The following NCAM1 variants were observed in gnomAD, a reference collection of about 807,000 sequenced individuals.
NCAM1 encodes antigen recognized by monoclonal antibody 5.1H11.
In NCAM1, 14 loss-of-function variants were observed where a neutral mutation model predicts 109.8. The ratio of observed to expected loss-of-function variants is 0.13; its 90% CI spans 0.08 to 0.20. The LOEUF is 0.20. Ranked by LOEUF, NCAM1 falls within the 10% of genes least tolerant of loss-of-function variation. The pLI is 1.00. For missense variants in NCAM1, 774 were observed against 1,109.9 expected (o/e 0.70, Z 4.30); for synonymous variants, 418 against 442.9 (o/e 0.94, Z 0.70).
chr11:113,018,101 C>T (rs1555075581), intron 1 of NCAM1, among the ~76,000 whole-genome samples: 1 of 152,000 alleles, frequency 6.6e-6, no homozygotes, highest in Non-Finnish European at 1.5e-5. Context: ...TTATGCTGTC[C>T]TGTTGGCCTA....
intron 1 of NCAM1, among the ~76,000 whole-genome samples, chr11:113,009,312 G>GTTTTTTTTTTGT (rs1951973321): frequency 1.3e-5 from 1 of 79,656 alleles, no homozygotes; most frequent in Non-Finnish European, 2.4e-5. Context: ...GTTTTTTCGG[G>GTTTTTTTTTTGT]TTTTTTTTTT....
intron 1 of NCAM1, among the ~76,000 whole-genome samples, chr11:113,127,592 TG>T (rs1273107534): frequency 6.6e-6 from 1 of 152,166 alleles, no homozygotes; most frequent in African/African-American, 2.4e-5. Context: ...GCAAAATTGG[TG>T]ATGGTTAAGT....
At position 113,112,551 on chromosome 11, in the gene NCAM1, CA is replaced by C. The variant is rs555069202; in HGVS notation, c.53-89827del. Among the ~76,000 whole-genome samples the C allele has an allele frequency of 2.6e-5, 4 of 152,226 alleles. 1 individual carries two copies. In the South Asian group the frequency reaches 8.3e-4, roughly 32 times the overall value. ...GCCACCGTGTTTCCCATTCCCATTGCATGCTTGAAGAATTGTGATACTTAAG... is the reference window on the plus strand; with the variant it reads ...GCCACCGTGTTTCCCATTCCCATTGCTGCTTGAAGAATTGTGATACTTAAG... On this transcript the variant is annotated intron_variant, in intron 1 of 19. Transcript: ENST00000316851.
chr11:113,229,007 C>G (rs1297618684), intron 9 of NCAM1, among the ~76,000 whole-genome samples: 6 of 152,164 alleles, frequency 3.9e-5, no homozygotes, highest in African/African-American at 1.4e-4. Context: ...CAATACCATT[C>G]AGGACATAGG....
chr11:113,081,519 C>T (rs968574544), intron 1 of NCAM1, among the ~76,000 whole-genome samples: 6 of 151,928 alleles, frequency 3.9e-5, no homozygotes, highest in Admixed American at 6.6e-5. Flanking sequence ...ATGCCACAAG[C>T]GACCAAATAC....
At chr11:113,174,935 C>T (rs1474118458) in intron 1 of NCAM1, among the ~76,000 whole-genome samples, 2 of 152,096 alleles carry the variant, frequency 1.3e-5, no homozygotes, top group East Asian at 3.9e-4. Context: ...GGGAATAGTC[C>T]TTTATATCTG....
chr11:112,966,312 TA>T (rs1295025432), intron 1 of NCAM1, among the ~76,000 whole-genome samples: 3 of 152,194 alleles, frequency 2.0e-5, no homozygotes, highest in African/African-American at 7.2e-5. Context: ...GAATTCTAAG[TA>T]AAATTCGAAG....
At chr11:113,176,771 G>A (rs1379470677) in intron 1 of NCAM1, among the ~76,000 whole-genome samples, 1 of 151,988 alleles carries the variant, frequency 6.6e-6, no homozygotes, top group African/African-American at 2.4e-5. Context: ...CTATGGGATG[G>A]AGCCAAATTT....
chr11:112,962,169 A>T lies in NCAM1; in HGVS notation c.52+505A>T, dbSNP rs1296635418. Among the ~76,000 whole-genome samples, 5 of 152,322 alleles carry T rather than the reference A, an allele frequency of 3.3e-5. No homozygotes were observed. In the East Asian group the frequency reaches 9.7e-4, roughly 29 times the overall value. On this transcript the variant is annotated intron_variant, in intron 1 of 19. Transcript: ENST00000316851. This position sits in a 1 kb window ranked among gnomAD's most constrained non-coding sequence, Gnocchi z 5.6. ...TATTCCTGGGTCTAATAAAGTCAGG[A>T]TCGCTGCTTTGCTTCCCCCGCCCCA...
chr11:113,019,793 G>C (rs143179877), intron 1 of NCAM1, among the ~76,000 whole-genome samples: 4 of 151,966 alleles, frequency 2.6e-5, no homozygotes, highest in Admixed American at 6.6e-5. Context: ...CTTTCCCTTC[G>C]CTTCCCTCCC....
intron 9 of NCAM1, among the ~76,000 whole-genome samples, chr11:113,230,360 A>T (rs1555116980): frequency 6.6e-6 from 1 of 151,776 alleles, no homozygotes; most frequent in East Asian, 1.9e-4. Context: ...ACTTTGCTTG[A>T]CTCTTCTGTC....
intron 1 of NCAM1, among the ~76,000 whole-genome samples, chr11:113,057,899 G>T (rs1565410643): frequency 6.6e-6 from 1 of 152,152 alleles, no homozygotes; most frequent in East Asian, 1.9e-4. Flanking sequence ...TTATGGCCTG[G>T]CAGTACAGAA....
chr11:113,198,583 C>T (rs905153064), intron 1 of NCAM1, among the ~76,000 whole-genome samples: 4 of 152,024 alleles, frequency 2.6e-5, no homozygotes, highest in East Asian at 1.9e-4. Context: ...CCTTGTGATC[C>T]GCCTGCTTCA....
rs541840129 is a variant in NCAM1 at position 113,131,503 on chromosome 11, T to C, written c.53-70876T>C. Among the ~76,000 whole-genome samples the C allele has an allele frequency of 8.5e-5, 13 of 152,336 alleles. No homozygotes were observed. In the East Asian group the frequency reaches 1.7e-3, roughly 20 times the overall value. On this transcript the variant is annotated intron_variant, in intron 1 of 19. Coordinates refer to ENST00000316851, the MANE Select transcript of NCAM1 (RefSeq NM_181351.5). ...GGGATGTGTTGGAAGCACACAGATG[T>C]ATCTAATGGAAGCTAAACCTGGCAG...
At chr11:112,987,609 T>C (rs1951343015) in intron 1 of NCAM1, among the ~76,000 whole-genome samples, 1 of 152,206 alleles carries the variant, frequency 6.6e-6, no homozygotes, top group African/African-American at 2.4e-5. Flanking sequence ...TTATATTCTC[T>C]GAATTAATTG....
At chr11:113,253,718 G>A (rs782767212) in intron 15 of NCAM1, among the ~76,000 whole-genome samples, 15 of 152,156 alleles carry the variant, frequency 9.9e-5, no homozygotes, top group Non-Finnish European at 1.9e-4. Flanking sequence ...CTCGACTAGT[G>A]GGCATGTTGG....
rs1945012369 is a variant in NCAM1 at position 113,231,698 on chromosome 11, C to T, written c.1143C>T (p.Thr381=). 2 of 1,613,876 alleles carry T rather than the reference C, an allele frequency of 1.2e-6. No homozygotes were observed. Among genetic ancestry groups the T allele is most frequent in the Non-Finnish European group, 8.5e-7 (1 of 1,179,878 alleles). ...GCCATGCCCGTGTGTCGTCGCTGAC[C>T]CTGAAGAGCATCCAGTACACTGATG... is the stretch of plus-strand genomic sequence containing the variant. ...VRSHARVSSL[T]LKSIQYTDAG... Residue 381 remains threonine, a synonymous_variant, in exon 10 of 20, where the codon ACC becomes ACT. Transcript: ENST00000316851.
At chr11:113,002,516 T>G (rs1450656510) in intron 1 of NCAM1, among the ~76,000 whole-genome samples, 1 of 152,168 alleles carries the variant, frequency 6.6e-6, no homozygotes, top group Non-Finnish European at 1.5e-5. Context: ...TGAACAACTT[T>G]GAGAGGGAAG....
chr11:113,025,404 T>C (rs782747361), intron 1 of NCAM1, among the ~76,000 whole-genome samples: 9 of 152,186 alleles, frequency 5.9e-5, no homozygotes, highest in Non-Finnish European at 1.0e-4. Flanking sequence ...TTCTGCATCA[T>C]GAATGCTGGG....
Sources: gnomAD v4.1 joint callset for allele counts (sites outside exome capture counted in the v4.1 genomes callset) on GRCh38, gnomAD v4.1.1 for gene constraint, Gnocchi (gnomAD v3.1) non-coding constraint, MANE v1.5 for transcripts, NCBI Gene and HGNC (gene_info 2026-07-23, HGNC 2026-07-21) for gene names.